PPP1R13B: variants seen among roughly 807,000 people sequenced by gnomAD.
PPP1R13B encodes the protein protein phosphatase 1 regulatory subunit 13B.
PPP1R13B carries 44 observed loss-of-function variants against 119.8 expected under a neutral mutation model. The observed-to-expected ratio is 0.37, with a 90% CI of 0.29 to 0.47. The LOEUF (loss-of-function observed/expected upper bound fraction) is 0.47. Ranked by LOEUF, PPP1R13B falls within the 20% of genes least tolerant of loss-of-function variation. The pLI is 0.99. For missense variants in PPP1R13B, 1,227 were observed against 1,413.5 expected (o/e 0.87, Z 2.12); for synonymous variants, 542 against 561.5 (o/e 0.97, Z 0.49).
chr14:103,847,456 T>A lies in PPP1R13B; in HGVS notation c.-149A>T. Reference sequence around the variant, plus strand: ...CGGCGAGGCGGCAGCTGCGGCGGGCTGCGGGGCTCTCGCTGGCCCTGTCGC... The same window carrying A: ...CGGCGAGGCGGCAGCTGCGGCGGGCAGCGGGGCTCTCGCTGGCCCTGTCGC... On this transcript the variant is annotated 5_prime_UTR_variant, in exon 1 of 17. Transcript: ENST00000202556. 1.0e-6 allele frequency: 1 copy of A among 998,034 alleles called. No individual in the cohort carries two copies. Among genetic ancestry groups the A allele is most frequent in the Non-Finnish European group, 1.2e-6 (1 of 839,694 alleles). 61.8% of individuals were successfully genotyped at this position (998,034 alleles called of 1,614,324 possible).
At chr14:103,808,444 G>A (rs1238064583) in intron 1 of PPP1R13B, among the ~76,000 whole-genome samples, 1 of 152,094 alleles carries the variant, frequency 6.6e-6, no homozygotes, top group African/African-American at 2.4e-5. Flanking sequence ...TAGCCAATGA[G>A]TTAGAAAAAA....
chr14:103,764,774 T>C (rs1052093561), intron 4 of PPP1R13B, among the ~76,000 whole-genome samples: 35 of 152,186 alleles, frequency 2.3e-4, no homozygotes, highest in Non-Finnish European at 7.3e-5. Context: ...CTCTTGAACA[T>C]ACCAACAAAA....
chr14:103,830,640 C>A (rs546322472), intron 1 of PPP1R13B, among the ~76,000 whole-genome samples: 9 of 152,266 alleles, frequency 5.9e-5, no homozygotes, highest in South Asian at 2.1e-4. Context: ...GTATTCATAA[C>A]TGAAAACTAC....
At chr14:103,831,345 T>C (rs181639647) in intron 1 of PPP1R13B, among the ~76,000 whole-genome samples, 1,793 of 150,430 alleles carry the variant, frequency 0.012, 34 homozygotes, top group African/African-American at 0.041. Flanking sequence ...AGTCTCACTC[T>C]GTCACCCAGG....
Position 103,746,394 on chromosome 14 carries a change from C to T in PPP1R13B, c.1129G>A (p.Ala377Thr), listed in dbSNP as rs2084386650. The T allele has an allele frequency of 1.9e-6, 3 of 1,607,814 alleles. No individual in the cohort carries two copies. The highest frequency in any genetic ancestry group is 1.1e-5 in the South Asian group (1 of 90,680). ...PQSLSIASNA[A>T]HGRSKSANDG... ...TCACCGGATTTGGATCTTCCATGAG[C>T]AGCATTTGAGGCAATACTGAGAGAC... Residue 377 changes from alanine (A) to threonine (T), a missense_variant, in exon 9 of 17, where the codon GCT becomes ACT. Coordinates refer to ENST00000202556, the MANE Select transcript of PPP1R13B (RefSeq NM_015316.3).
At chr14:103,795,745 C>A (rs2085743347) in intron 2 of PPP1R13B, among the ~76,000 whole-genome samples, 1 of 152,194 alleles carries the variant, frequency 6.6e-6, no homozygotes, top group Non-Finnish European at 1.5e-5. Context: ...ACTTAACTGC[C>A]TGCTTCCTGT....
intron 4 of PPP1R13B, among the ~76,000 whole-genome samples, chr14:103,765,480 C>T (rs1368889695): frequency 6.6e-6 from 1 of 152,168 alleles, no homozygotes; most frequent in African/African-American, 2.4e-5. Flanking sequence ...CCTAAATTCC[C>T]TATTTCTATG....
intron 1 of PPP1R13B, among the ~76,000 whole-genome samples, chr14:103,839,698 C>T (rs2086860248): frequency 6.6e-6 from 1 of 152,056 alleles, no homozygotes; most frequent in South Asian, 2.1e-4. Flanking sequence ...AAGATCAATC[C>T]TACACTACTC....
intron 1 of PPP1R13B, chr14:103,847,059 G>A (rs2087059379): frequency 4.9e-6 from 5 of 1,017,520 alleles, no homozygotes; most frequent in Non-Finnish European, 5.9e-6. Flanking sequence ...TTCTCCCCGC[G>A]GCCGCGGAGG....
intron 1 of PPP1R13B, among the ~76,000 whole-genome samples, chr14:103,837,707 TC>T (rs2086809422): frequency 6.6e-6 from 1 of 152,150 alleles, no homozygotes; most frequent in African/African-American, 2.4e-5. Context: ...TAACTACTCT[TC>T]CTGTTTATTT....
At chr14:103,735,719 C>T (rs2084091390) in intron 16 of PPP1R13B, among the ~76,000 whole-genome samples, 1 of 152,210 alleles carries the variant, frequency 6.6e-6, no homozygotes, top group Non-Finnish European at 1.5e-5. Flanking sequence ...TGAGCCGGGC[C>T]ACTTGGTGAA....
chr14:103,802,201 C>T (rs1479782136), intron 1 of PPP1R13B, among the ~76,000 whole-genome samples: 7 of 151,984 alleles, frequency 4.6e-5, no homozygotes, highest in Admixed American at 6.6e-5. Flanking sequence ...CTAGTAATAT[C>T]GGGAGGCTGA....
intron 2 of PPP1R13B, among the ~76,000 whole-genome samples, chr14:103,793,145 G>C (rs2152036245): frequency 8.2e-6 from 1 of 121,578 alleles, no homozygotes; most frequent in East Asian, 2.8e-4. Flanking sequence ...GGAGGGGAGG[G>C]AAAGGAGGGG....
chr14:103,805,197 A>C (rs1164299140), intron 1 of PPP1R13B, among the ~76,000 whole-genome samples: 1 of 152,092 alleles, frequency 6.6e-6, no homozygotes, highest in Non-Finnish European at 1.5e-5. Flanking sequence ...CTAGGTACCT[A>C]CCCTGGGGAA....
Position 103,742,363 on chromosome 14 carries a change from C to T in PPP1R13B, c.1321-72G>A. 1 of 1,478,100 alleles carries T rather than the reference C, an allele frequency of 6.8e-7. No individual in the cohort carries two copies. The highest frequency in any genetic ancestry group is 2.3e-5 in the East Asian group (1 of 43,826). The allele number at this position is 1,478,100 out of a possible 1,614,324, so 91.6% of individuals were successfully genotyped here. On this transcript the variant is annotated intron_variant, in intron 10 of 16. Transcript: ENST00000202556. This position sits in a 1 kb window ranked among gnomAD's most constrained non-coding sequence, Gnocchi z 4.9. ...TTAAGAATATTTCCACCCACATTCCCAAGAGAATACACAGTAGAATTTGTA... is the reference window on the plus strand; with the variant it reads ...TTAAGAATATTTCCACCCACATTCCTAAGAGAATACACAGTAGAATTTGTA...
At chr14:103,796,723 A>G (rs1189843062) in intron 2 of PPP1R13B, among the ~76,000 whole-genome samples, 1 of 152,176 alleles carries the variant, frequency 6.6e-6, no homozygotes, top group Admixed American at 6.5e-5. Context: ...TTGGGAGGCC[A>G]TGGTGGGTGG....
Position 103,740,178 on chromosome 14 carries a change from G to C in PPP1R13B, c.2238C>G (p.Ser746Arg), listed in dbSNP as rs761463122. The change falls in exon 12 of 17, where the codon AGC (serine) becomes AGG (arginine). Residue 746 changes from serine to arginine, a missense_variant. Physicochemically the swap from Ser to Arg is moderately radical, Grantham distance 110. Coordinates refer to ENST00000202556, the MANE Select transcript of PPP1R13B (RefSeq NM_015316.3). The surrounding 1 kb of genome is among the most constrained non-coding windows in gnomAD (Gnocchi z 4.6). ...AGGTGCCCATGAAGTCCTGGGAGGG[G>C]CTGGGCTGGTAGAAAGGGGTGCCCT... ...GMEGTPFYQP[S>R]PSQDFMGTLA... The C allele has an allele frequency of 4.3e-6, 7 of 1,613,630 alleles. No individual in the cohort carries two copies. Among genetic ancestry groups the C allele is most frequent in the Non-Finnish European group, 5.9e-6 (7 of 1,180,018 alleles).
intron 1 of PPP1R13B, among the ~76,000 whole-genome samples, chr14:103,837,450 G>C (rs1027180089): frequency 1.4e-4 from 21 of 152,062 alleles, no homozygotes; most frequent in African/African-American, 5.1e-4. Flanking sequence ...TTAAAGGAAA[G>C]GCAAGCCTGG....
intron 1 of PPP1R13B, among the ~76,000 whole-genome samples, chr14:103,816,772 G>A (rs543521549): frequency 5.3e-5 from 8 of 151,832 alleles, no homozygotes; most frequent in Middle Eastern, 3.4e-3. Flanking sequence ...CAAAAATTCA[G>A]TATTAATCCA....
Sources: allele counts gnomAD v4.1 joint callset (sites outside exome capture counted in the v4.1 genomes callset), GRCh38; gene constraint gnomAD v4.1.1; non-coding constraint Gnocchi (gnomAD v3.1); transcripts MANE v1.5; gene names NCBI Gene and HGNC (gene_info 2026-07-23, HGNC 2026-07-21).